Variants in ENPP1 observed in about 807,000 individuals in gnomAD.
The protein encoded by ENPP1 is ectonucleotide pyrophosphatase/phosphodiesterase family member 1.
A neutral mutation model predicts 122.8 loss-of-function variants in ENPP1; 73 were observed. The observed-to-expected ratio is 0.59, with a 90% CI of 0.49 to 0.72. ENPP1 has a LOEUF of 0.72. ENPP1 is among the 30% of genes least tolerant of loss of function. ENPP1 has a pLI of 0.00. For synonymous variants in ENPP1, 367 were observed against 391.6 expected (o/e 0.94, Z 0.74); for missense variants, 978 against 1,128.1 (o/e 0.87, Z 1.91).
chr6:131,870,697 C>A (rs1045894338), intron 13 of ENPP1, among the ~76,000 whole-genome samples: 1 of 152,284 alleles, frequency 6.6e-6, no homozygotes, highest in Admixed American at 6.5e-5. Context: ...AAAGCACAGG[C>A]TGCATATGCC....
At chr6:131,873,127 C>A in intron 15 of ENPP1, 77 bp downstream of exon 15, 1 of 1,480,576 alleles carries the variant, frequency 6.8e-7, no homozygotes, top group Non-Finnish European at 9.4e-7. Context: ...CCCTTTCTAA[C>A]AATATTGTTA....
intron 1 of ENPP1, among the ~76,000 whole-genome samples, chr6:131,841,116 C>T (rs920651460): frequency 1.3e-5 from 2 of 152,184 alleles, no homozygotes; most frequent in South Asian, 2.1e-4. Flanking sequence ...CTTGAGTGGA[C>T]TTAGGAACTT....
At chr6:131,842,528 A>G (rs781017083) in intron 1 of ENPP1, among the ~76,000 whole-genome samples, 1 of 152,078 alleles carries the variant, frequency 6.6e-6, no homozygotes, top group South Asian at 2.1e-4. Flanking sequence ...AATACATTGC[A>G]TCTTGCAGAT....
At position 131,892,730 on chromosome 6, in the gene ENPP1, C is replaced by T. The variant is rs973474383; in HGVS notation, c.*2219C>T. 6.6e-6 allele frequency: 1 copy of T among 152,158 alleles called. No individual in the cohort carries two copies. Among genetic ancestry groups the T allele is most frequent in the Admixed American group, 6.5e-5 (1 of 15,280 alleles). The allele number at this position is 152,158 out of a possible 1,614,324, so 9.4% of individuals were successfully genotyped here. A position where few individuals can be genotyped will look rare whatever the true frequency, so the allele number is the denominator to read the frequency against. ...ATACAAAAGTCAGGGAGTTGGGGCACCTCTTTACAGCTTGGTGAGAGTGTA... is the reference window on the plus strand; with the variant it reads ...ATACAAAAGTCAGGGAGTTGGGGCATCTCTTTACAGCTTGGTGAGAGTGTA... On this transcript the variant is annotated 3_prime_UTR_variant, in exon 25 of 25. Transcript: ENST00000647893.
intron 1 of ENPP1, among the ~76,000 whole-genome samples, chr6:131,835,424 G>A (rs774384067): frequency 1.3e-4 from 20 of 152,150 alleles, no homozygotes; most frequent in South Asian, 2.1e-4. Flanking sequence ...AATATCAGGC[G>A]TACTAAAATA....
At chr6:131,816,744 G>C (rs368683569) in intron 1 of ENPP1, among the ~76,000 whole-genome samples, 8 of 152,272 alleles carry the variant, frequency 5.3e-5, no homozygotes, top group Admixed American at 2.6e-4. Context: ...TAGAAGTGTA[G>C]GTGGTAGAAG....
At chr6:131,873,700 G>C (rs1562181725) in intron 15 of ENPP1, among the ~76,000 whole-genome samples, 1 of 151,938 alleles carries the variant, frequency 6.6e-6, no homozygotes, top group African/African-American at 2.4e-5. Flanking sequence ...TGGTTGCCAA[G>C]AAGCTAGTCA....
At position 131,886,816 on chromosome 6, in the gene ENPP1, A is replaced by C. The variant is rs1782384140; in HGVS notation, c.2607+92A>C. The C allele has an allele frequency of 6.7e-6, 7 of 1,052,628 alleles. No homozygotes were observed. The South Asian group carries it at 1.0e-4, about 15-fold the overall frequency. The allele number at this position is 1,052,628 out of a possible 1,614,324, so 65.2% of individuals were successfully genotyped here. A position where few individuals can be genotyped will look rare whatever the true frequency, so the allele number is the denominator to read the frequency against. ...ACCCATCTGACATTACAGTGAGAGA[A>C]AGCACAACTGAGTACACATGGACTT... On this transcript the variant is annotated intron_variant, in intron 24 of 24. Coordinates refer to ENST00000647893, the MANE Select transcript of ENPP1 (RefSeq NM_006208.3).
intron 1 of ENPP1, among the ~76,000 whole-genome samples, chr6:131,832,801 G>C (rs1193948607): frequency 6.6e-6 from 1 of 152,196 alleles, no homozygotes. Context: ...GCACGGAATG[G>C]TTGGGATTCC....
intron 1 of ENPP1, among the ~76,000 whole-genome samples, chr6:131,835,399 A>C (rs1585803557): frequency 6.6e-6 from 1 of 152,322 alleles, no homozygotes; most frequent in East Asian, 1.9e-4. Flanking sequence ...GAATGATGTA[A>C]TGATTATTTG....
chr6:131,823,157 A>G (rs930385795), intron 1 of ENPP1, among the ~76,000 whole-genome samples: 2 of 152,208 alleles, frequency 1.3e-5, no homozygotes, highest in Admixed American at 1.3e-4. Flanking sequence ...CCTTGCTGGT[A>G]GTAAGTGCTA....
At chr6:131,883,841 T>C (rs1782343487) in intron 22 of ENPP1, 67 bp downstream of exon 22, 5 of 823,352 alleles carry the variant, frequency 6.1e-6, no homozygotes, top group East Asian at 4.9e-5. Flanking sequence ...ATAATTCATA[T>C]GTAATAGGAC....
chr6:131,847,953 A>G (rs889650870), intron 2 of ENPP1, 105 bp downstream of exon 2: 7 of 853,984 alleles, frequency 8.2e-6, no homozygotes, highest in Middle Eastern at 6.8e-4. Flanking sequence ...TCCTATTCCT[A>G]TGGGTACTCC....
intron 1 of ENPP1, among the ~76,000 whole-genome samples, chr6:131,832,012 C>A (rs9372999): frequency 0.16 from 24,727 of 151,994 alleles, 2,294 homozygotes; most frequent in African/African-American, 0.24. Context: ...TGAATTATAA[C>A]CCAGTACTCT....
chr6:131,870,547 T>G (rs1462846455), intron 13 of ENPP1, among the ~76,000 whole-genome samples: 1 of 152,204 alleles, frequency 6.6e-6, no homozygotes, highest in African/African-American at 2.4e-5. Flanking sequence ...GAATAAGCTT[T>G]TCTGACAATT....
At chr6:131,875,655 T>C in intron 16 of ENPP1, 121 bp from the exon 17 acceptor site, 1 of 762,236 alleles carries the variant, frequency 1.3e-6, no homozygotes, top group Non-Finnish European at 2.4e-6. Context: ...CTGAGCGTGG[T>C]AGTTTTCCTC....
intron 6 of ENPP1, among the ~76,000 whole-genome samples, 155 bp from the exon 7 acceptor site, chr6:131,858,513 G>A (rs1781977849): frequency 6.6e-6 from 1 of 152,132 alleles, no homozygotes; most frequent in Non-Finnish European, 1.5e-5. Flanking sequence ...TATCCACAGT[G>A]TTGCTTTATA....
chr6:131,811,802 C>G (rs114720005), intron 1 of ENPP1, among the ~76,000 whole-genome samples: 360 of 152,292 alleles, frequency 2.4e-3, no homozygotes, highest in African/African-American at 8.2e-3. Context: ...TCAGACTGCT[C>G]TGAGCAATTT....
chr6:131,872,868 C>T, intron 14 of ENPP1, 55 bp from the exon 15 acceptor site: 4 of 1,570,398 alleles, frequency 2.5e-6, no homozygotes, highest in Non-Finnish European at 3.5e-6. Flanking sequence ...AAAAAGTTGA[C>T]ACTTTTTTAG....
Sources: gnomAD v4.1 joint callset for allele counts (sites outside exome capture counted in the v4.1 genomes callset) on GRCh38, gnomAD v4.1.1 for gene constraint, MANE v1.5 for transcripts, NCBI Gene and HGNC (gene_info 2026-07-23, HGNC 2026-07-21) for gene names.